The following NYAP2 variants were observed in gnomAD, a reference collection of about 807,000 sequenced individuals.
NYAP2 encodes the protein neuronal tyrosine-phosphorylated phosphoinositide-3-kinase adaptor 2.
NYAP2 carries 23 observed loss-of-function variants against 50.4 expected under a neutral mutation model. The observed-to-expected ratio is 0.46, with a 90% CI of 0.33 to 0.65. NYAP2 has a LOEUF of 0.65. Among genes scored for constraint, NYAP2 ranks in the 30% least tolerant of loss-of-function variants. The pLI, the probability that NYAP2 is intolerant of heterozygous loss-of-function variation, is 0.02. For missense variants in NYAP2, 885 were observed against 861.0 expected, an observed-to-expected ratio of 1.03 and a Z score of -0.35; for synonymous variants, 394 against 365.2, an observed-to-expected ratio of 1.08 and a Z score of -0.90.
intron 5 of NYAP2, among the ~76,000 whole-genome samples, chr2:225,614,967 G>C (rs1263982923): frequency 1.3e-5 from 2 of 152,108 alleles, no homozygotes; most frequent in African/African-American, 4.8e-5. Flanking sequence ...ACTCTTCCAG[G>C]TTATCGGGAA....
chr2:225,609,891 A>G (rs1424356850), intron 5 of NYAP2, among the ~76,000 whole-genome samples: 1 of 152,170 alleles, frequency 6.6e-6, no homozygotes, highest in African/African-American at 2.4e-5. Flanking sequence ...CATGTGGTAA[A>G]CTGCAGTCAA....
intron 3 of NYAP2, among the ~76,000 whole-genome samples, chr2:225,485,063 C>T (rs1690267095): frequency 6.6e-6 from 1 of 152,136 alleles, no homozygotes; most frequent in African/African-American, 2.4e-5. Context: ...CTTTGTGTCC[C>T]CACCCAAATC....
At chr2:225,538,521 G>A (rs1379885464) in intron 4 of NYAP2, among the ~76,000 whole-genome samples, 4 of 152,150 alleles carry the variant, frequency 2.6e-5, no homozygotes, top group African/African-American at 9.6e-5. Flanking sequence ...TTGAGTGGCT[G>A]GGATGCAGGG....
intron 3 of NYAP2, among the ~76,000 whole-genome samples, chr2:225,480,437 T>C (rs1690187144): frequency 1.3e-5 from 2 of 152,146 alleles, no homozygotes; most frequent in East Asian, 1.9e-4. Flanking sequence ...GTTTAAGCTA[T>C]ATTTCTTAAC....
chr2:225,647,598 T>C (rs1041560786), intron 6 of NYAP2, among the ~76,000 whole-genome samples: 1 of 152,220 alleles, frequency 6.6e-6, no homozygotes, highest in Non-Finnish European at 1.5e-5. Flanking sequence ...ACAGGTTCTT[T>C]GTTACATCAT....
At chr2:225,591,246 T>C (rs1176739460) in intron 5 of NYAP2, among the ~76,000 whole-genome samples, 1 of 152,108 alleles carries the variant, frequency 6.6e-6, no homozygotes, top group East Asian at 1.9e-4. Context: ...AAGTCTTTCT[T>C]ATGGGGCACT....
At chr2:225,505,998 T>A (rs1488301692) in intron 3 of NYAP2, among the ~76,000 whole-genome samples, 1 of 152,004 alleles carries the variant, frequency 6.6e-6, no homozygotes, top group East Asian at 1.9e-4. Flanking sequence ...ATAGTCACGG[T>A]GGCCAGGGTG....
intron 3 of NYAP2, among the ~76,000 whole-genome samples, chr2:225,474,485 T>G (rs1363351556): frequency 3.3e-5 from 5 of 152,222 alleles, no homozygotes; most frequent in African/African-American, 1.2e-4. Context: ...TTTTATTTCG[T>G]TGAGCAGTGG....
At position 225,625,043 on chromosome 2, in the gene NYAP2, T is replaced by TAAAAA. The variant is rs386392796; in HGVS notation, c.1619-1849_1619-1845dup. On this transcript the variant is annotated intron_variant, in intron 5 of 6. Coordinates refer to ENST00000636099, the Ensembl canonical transcript of NYAP2. ...GTTGATAAGGATTTTAACCCAAGCG[T>TAAAAA]AAAAAAAAAAAAAAAAAAAAAAAAA... is the stretch of plus-strand genomic sequence containing the variant. 8.1e-3 allele frequency among the ~76,000 whole-genome samples: 565 copies of TAAAAA among 69,606 alleles called. 26 individuals are homozygous for TAAAAA. Among genetic ancestry groups the TAAAAA allele is most frequent in the Middle Eastern group, 0.012 (1 of 84 alleles). The allele number at this position is 69,606 out of a possible 152,430, so 45.7% of individuals were successfully genotyped here.
chr2:225,468,481 A>C (rs956928414), intron 3 of NYAP2, among the ~76,000 whole-genome samples: 2 of 152,250 alleles, frequency 1.3e-5, no homozygotes, highest in Non-Finnish European at 2.9e-5. Context: ...AATAGACAAG[A>C]AACAGGACAC....
At chr2:225,544,033 G>A (rs889407379) in intron 4 of NYAP2, among the ~76,000 whole-genome samples, 2 of 151,918 alleles carry the variant, frequency 1.3e-5, no homozygotes, top group Admixed American at 1.3e-4. Context: ...TCTTCTTATA[G>A]TTTTTGTCTT....
chr2:225,567,845 G>T (rs890852283), intron 4 of NYAP2, among the ~76,000 whole-genome samples: 2 of 152,138 alleles, frequency 1.3e-5, no homozygotes, highest in Non-Finnish European at 2.9e-5. Context: ...AAAAAGGATG[G>T]AAACTATTTT....
At chr2:225,617,605 G>T (rs1693011656) in intron 5 of NYAP2, among the ~76,000 whole-genome samples, 1 of 152,124 alleles carries the variant, frequency 6.6e-6, no homozygotes, top group Non-Finnish European at 1.5e-5. Context: ...CCAAGTAAAT[G>T]ATGTGACTGT....
intron 5 of NYAP2, among the ~76,000 whole-genome samples, chr2:225,589,601 A>C (rs1355865555): frequency 6.8e-6 from 1 of 147,758 alleles, no homozygotes; most frequent in African/African-American, 2.5e-5. Flanking sequence ...AGGCTAAAGC[A>C]GGAGGATCAG....
chr2:225,592,885 C>T (rs772728686), intron 5 of NYAP2, among the ~76,000 whole-genome samples: 1 of 152,062 alleles, frequency 6.6e-6, no homozygotes, highest in Non-Finnish European at 1.5e-5. Flanking sequence ...TAAGAAGAAC[C>T]CTACCTGCTT....
At position 225,582,233 on chromosome 2, in the gene NYAP2, G is replaced by T; in HGVS notation, c.816G>T (p.Lys272Asn). ...GCGAGGCCGTCTACGAGGAAATGAA[G>T]TACCCTATCTTTGACGACTTGGGCC... The change falls in exon 5 of 7, where the codon AAG (lysine) becomes AAT (asparagine). Residue 272 changes from lysine (K) to asparagine (N), a missense_variant. Transcript: ENST00000636099. This position sits in a 1 kb window ranked among gnomAD's most constrained non-coding sequence, Gnocchi z 7.0. 1.2e-6 allele frequency: 2 copies of T among 1,614,052 alleles called. No homozygotes were observed. The highest frequency in any genetic ancestry group is 1.7e-6 in the Non-Finnish European group (2 of 1,179,894).
intron 3 of NYAP2, 122 bp from the exon 4 acceptor site, chr2:225,513,249 G>C (rs1690864450): frequency 1.2e-6 from 1 of 846,914 alleles, no homozygotes; most frequent in Admixed American, 2.9e-5. Context: ...TTAAAAGGCA[G>C]CATTTCACCG....
the NYAP2 span, among the ~76,000 whole-genome samples, chr2:225,686,404 C>T: frequency 3.4e-4 from 52 of 152,070 alleles, no homozygotes; most frequent in Non-Finnish European, 5.0e-4. Flanking sequence ...GCCTTTTTCA[C>T]GGGTGAAGAC....
rs180819922 is a variant in NYAP2 at position 225,633,275 on chromosome 2, T to C, written c.1828+6149T>C. ...ATATATAGGCAAACAGGGTTTATAG[T>C]GTAACATTTAAATCTAAAAAGAATG... is the stretch of plus-strand genomic sequence containing the variant. On this transcript the variant is annotated intron_variant, in intron 6 of 6. Coordinates refer to ENST00000636099, the Ensembl canonical transcript of NYAP2. 2.0e-5 allele frequency among the ~76,000 whole-genome samples: 3 copies of C among 152,296 alleles called. No individual in the cohort carries two copies. In the East Asian group the frequency reaches 5.8e-4, roughly 29 times the overall value.
Sources: gnomAD v4.1 joint callset for allele counts (sites outside exome capture counted in the v4.1 genomes callset) on GRCh38, gnomAD v4.1.1 for gene constraint, Gnocchi (gnomAD v3.1) non-coding constraint, MANE v1.5 for transcripts, NCBI Gene and HGNC (gene_info 2026-07-23, HGNC 2026-07-21) for gene names.